ZNF718: variants seen among roughly 807,000 people sequenced by gnomAD.
ZNF718 encodes zinc finger protein 718.
A neutral mutation model predicts 2.6 loss-of-function variants in ZNF718; 3 were observed. That is an observed-to-expected ratio of 1.16 (90% CI 0.53 to 3.01). The LOEUF (loss-of-function observed/expected upper bound fraction) is 3.01. Among genes scored for constraint, ZNF718 ranks in the 30% most tolerant of loss-of-function variants. The pLI, the probability that ZNF718 is intolerant of heterozygous loss-of-function variation, is 0.03. For missense variants in ZNF718, 468 were observed against 230.0 expected, an observed-to-expected ratio of 2.03 and a Z score of -6.69; for synonymous variants, 135 against 77.9, an observed-to-expected ratio of 1.73 and a Z score of -3.86.
intron 3 of ZNF718, among the ~76,000 whole-genome samples, chr4:150,826 A>C (rs148700380): frequency 6.6e-6 from 1 of 152,182 alleles, no homozygotes; most frequent in Non-Finnish European, 1.5e-5. Context: ...TAGAACTAAC[A>C]TGCTTCAGCA....
At chr4:144,595 G>A (rs948007086) in intron 3 of ZNF718, among the ~76,000 whole-genome samples, 30 of 152,076 alleles carry the variant, frequency 2.0e-4, no homozygotes, top group Admixed American at 4.6e-4. Flanking sequence ...GATCATTTTG[G>A]GTAGTATGAA....
intron 3 of ZNF718, among the ~76,000 whole-genome samples, chr4:181,282 A>G (rs1264389451): frequency 6.7e-6 from 1 of 150,270 alleles, no homozygotes; most frequent in Non-Finnish European, 1.5e-5. Context: ...CTAGGATTAC[A>G]GGCATAAGCC....
intron 3 of ZNF718, among the ~76,000 whole-genome samples, chr4:135,888 C>CTGCAGAT (rs1470853466): frequency 2.6e-5 from 4 of 151,872 alleles, no homozygotes; most frequent in East Asian, 3.9e-4. Context: ...GGAGGCAGGC[C>CTGCAGAT]TGCAGATCTT....
Position 162,108 on chromosome 4 carries a change from G to A in ZNF718, c.1423G>A (p.Gly475Arg), listed in dbSNP as rs1553815626. The stretch of plus-strand genomic sequence containing the variant: ...TCCTCAACATAAGAGAACTCATACT[G>A]GAGGAAAATTTTAGAAATGTGAAGA... ...NLPQHKRTHT[G>R]GKF The change falls in exon 4 of 4, where the codon GGA (glycine) becomes AGA (arginine). Residue 475 changes from glycine (G) to arginine (R), a missense_variant. By Grantham distance (125) the Gly-to-Arg change is moderately radical. Coordinates refer to ENST00000510175, the MANE Select transcript of ZNF718 (RefSeq NM_001039127.6). 4.1e-6 allele frequency: 3 copies of A among 735,486 alleles called. No individual in the cohort carries two copies. The Admixed American group carries it at 6.2e-5, about 15-fold the overall frequency. The allele number at this position is 735,486 out of a possible 1,614,324, so 45.6% of individuals were successfully genotyped here. A position where few individuals can be genotyped will look rare whatever the true frequency, so the allele number is the denominator to read the frequency against.
rs375947334 is a variant in ZNF718 at position 124,687 on chromosome 4, G to T, written c.3+14G>T. The T allele has an allele frequency of 8.1e-5, 130 of 1,609,260 alleles. No homozygotes were observed. In the African/African-American group the frequency reaches 1.6e-3, roughly 20 times the overall value. ...AGTCGGGAAATGGTGAGTGTGCAGG[G>T]CAGGGCGTCCCAAGGCTGTGGAGGC... On this transcript the variant is annotated intron_variant, in intron 1 of 3. Transcript: ENST00000510175.
intron 3 of ZNF718, among the ~76,000 whole-genome samples, chr4:188,476 A>G (rs527269976): frequency 1.0e-3 from 157 of 152,238 alleles, no homozygotes; most frequent in African/African-American, 3.7e-3. Flanking sequence ...TTATCATATG[A>G]GGTGCAGTGG....
intron 3 of ZNF718, among the ~76,000 whole-genome samples, chr4:178,287 T>C (rs1383106904): frequency 6.6e-6 from 1 of 151,922 alleles, no homozygotes; most frequent in Non-Finnish European, 1.5e-5. Flanking sequence ...TACAGGTACA[T>C]GTCACTACAC....
chr4:134,208 G>A (rs782731640), intron 3 of ZNF718, among the ~76,000 whole-genome samples: 4 of 152,026 alleles, frequency 2.6e-5, no homozygotes, highest in African/African-American at 7.3e-5. Context: ...GTGCAGTGGC[G>A]CGATATCTAC....
downstream of ZNF718, among the ~76,000 whole-genome samples, chr4:165,910 A>G (rs966196947): frequency 2.0e-5 from 3 of 152,142 alleles, no homozygotes; most frequent in South Asian, 6.2e-4. Flanking sequence ...CAGGTTAGTT[A>G]CATATGTATA....
chr4:176,157 A>G (rs1553819062), intron 3 of ZNF718, among the ~76,000 whole-genome samples: 1 of 152,102 alleles, frequency 6.6e-6, no homozygotes, highest in Non-Finnish European at 1.5e-5. Flanking sequence ...GCAGCTCCAC[A>G]AGCACTAATG....
intron 3 of ZNF718, among the ~76,000 whole-genome samples, chr4:143,624 A>C (rs1166082812): frequency 6.6e-6 from 1 of 152,198 alleles, no homozygotes; most frequent in Admixed American, 6.5e-5. Flanking sequence ...AGAACAAATC[A>C]GGTTTTTTTT....
At chr4:157,997 A>G (rs1167781796) in intron 3 of ZNF718, among the ~76,000 whole-genome samples, 2 of 152,152 alleles carry the variant, frequency 1.3e-5, no homozygotes, top group African/African-American at 2.4e-5. Context: ...TTTGCTTTAT[A>G]TATTTGAAAC....
chr4:144,181 C>T (rs973033758), intron 3 of ZNF718, among the ~76,000 whole-genome samples: 2 of 152,178 alleles, frequency 1.3e-5, no homozygotes, highest in Non-Finnish European at 2.9e-5. Flanking sequence ...CCCCTATGCT[C>T]GGGCCCGCAC....
intron 3 of ZNF718, among the ~76,000 whole-genome samples, chr4:170,727 T>G (rs1717206108): frequency 6.6e-6 from 1 of 152,190 alleles, no homozygotes; most frequent in South Asian, 2.1e-4. Flanking sequence ...CTCTGCATTA[T>G]TATTCTAGTT....
chr4:199,928 ATAT>A (rs1553822523), intron 3 of ZNF718, among the ~76,000 whole-genome samples: 1 of 152,232 alleles, frequency 6.6e-6, no homozygotes, highest in Admixed American at 6.5e-5. Flanking sequence ...ATGCCAGTCA[ATAT>A]TAATAAAACA....
chr4:172,292 A>G (rs901583859), intron 3 of ZNF718, among the ~76,000 whole-genome samples: 46 of 152,318 alleles, frequency 3.0e-4, no homozygotes, highest in African/African-American at 1.0e-3. Context: ...TCAAATGACA[A>G]GATTTTTTCT....
At position 133,194 on chromosome 4, in the gene ZNF718, AAATATATATATATATATATAT is replaced by A. The variant is rs1349224397; in HGVS notation, c.226+1691_226+1711del. On this transcript the variant is annotated intron_variant, in intron 3 of 3. Transcript: ENST00000510175. ...CTCCATCTTAAAAAAAAAAAAAAAAAAATATATATATATATATATATATATATATATATATGGTAACACTAA... is the reference window on the plus strand; with the variant it reads ...CTCCATCTTAAAAAAAAAAAAAAAAAATATATATATATATGGTAACACTAA... Among the ~76,000 whole-genome samples the A allele has an allele frequency of 2.5e-3, 51 of 20,492 alleles. 15 individuals carry two copies. The highest frequency in any genetic ancestry group is 0.012 in the African/African-American group (51 of 4,256). 13.4% of individuals were successfully genotyped at this position (20,492 alleles called of 152,430 possible).
At chr4:199,354 G>A (rs1378438857) in intron 3 of ZNF718, among the ~76,000 whole-genome samples, 6 of 152,316 alleles carry the variant, frequency 3.9e-5, no homozygotes, top group Admixed American at 1.3e-4. Flanking sequence ...TGCAGCATGT[G>A]AATGACTGAT....
At chr4:131,709 C>G (rs1715352805) in intron 3 of ZNF718, among the ~76,000 whole-genome samples, 1 of 103,260 alleles carries the variant, frequency 9.7e-6, no homozygotes. Context: ...CCCGTCTCTA[C>G]TAAAAATACA....
Sources: allele counts gnomAD v4.1 joint callset (sites outside exome capture counted in the v4.1 genomes callset), GRCh38; gene constraint gnomAD v4.1.1; transcripts MANE v1.5; gene names NCBI Gene and HGNC (gene_info 2026-07-23, HGNC 2026-07-21).